MLIP: variants seen among roughly 807,000 people sequenced by gnomAD.
MLIP encodes muscular LMNA-interacting protein.
MLIP carries 79 observed loss-of-function variants against 84.8 expected under a neutral mutation model. That is an observed-to-expected ratio of 0.93 (90% CI 0.78 to 1.12). The LOEUF (loss-of-function observed/expected upper bound fraction) is 1.12. Among genes scored for constraint, MLIP ranks in the 50% most tolerant of loss-of-function variants. The pLI is 0.00. For synonymous variants in MLIP, 504 were observed against 463.0 expected, an observed-to-expected ratio of 1.09 and a Z score of -1.14; for missense variants, 1,257 against 1,160.6, an observed-to-expected ratio of 1.08 and a Z score of -1.21.
Position 54,187,661 on chromosome 6 carries a change from A to G in MLIP, c.2545-2209A>G, listed in dbSNP as rs182429333. Among the ~76,000 whole-genome samples the G allele has an allele frequency of 3.3e-5, 5 of 152,322 alleles. No individual in the cohort carries two copies. In the East Asian group the frequency reaches 9.6e-4, roughly 29 times the overall value. ...ATACAGTATAAAGTGACAAAAATAT[A>G]AAAACGAGTTTGAGATAAATGGGAG... On this transcript the variant is annotated intron_variant, in intron 9 of 13. Transcript: ENST00000502396.
At chr6:54,105,363 G>T (rs952353131) in intron 1 of MLIP, among the ~76,000 whole-genome samples, 2 of 152,254 alleles carry the variant, frequency 1.3e-5, no homozygotes, top group South Asian at 4.1e-4. Flanking sequence ...ACATTAGGTT[G>T]ATTCCATTTT....
intron 9 of MLIP, among the ~76,000 whole-genome samples, chr6:54,179,418 G>C (rs1776627480): frequency 6.6e-6 from 1 of 151,864 alleles, no homozygotes; most frequent in Admixed American, 6.6e-5. Context: ...TGATAAGTAG[G>C]GACTTACCCC....
chr6:54,217,752 A>G (rs1438212350), intron 11 of MLIP: 19 of 985,182 alleles, frequency 1.9e-5, no homozygotes, highest in South Asian at 4.7e-5. Context: ...AGAAATAACT[A>G]TGTTACCTAT....
chr6:54,224,243 A>G (rs1474800017), intron 11 of MLIP, among the ~76,000 whole-genome samples: 1 of 152,054 alleles, frequency 6.6e-6, no homozygotes, highest in Non-Finnish European at 1.5e-5. Context: ...TATAAAATAC[A>G]AAATGAGAAA....
chr6:54,088,802 C>T (rs1767665960), intron 1 of MLIP, among the ~76,000 whole-genome samples: 1 of 152,040 alleles, frequency 6.6e-6, no homozygotes, highest in Non-Finnish European at 1.5e-5. Context: ...GTGCATGTGT[C>T]ACATTATACA....
intron 10 of MLIP, among the ~76,000 whole-genome samples, chr6:54,198,021 C>A (rs1778418882): frequency 6.6e-6 from 1 of 152,062 alleles, no homozygotes; most frequent in South Asian, 2.1e-4. Context: ...AAAGCCTCTC[C>A]TTCAGTCTGG....
At chr6:54,060,561 G>A (rs538847890) in intron 1 of MLIP, among the ~76,000 whole-genome samples, 1 of 152,136 alleles carries the variant, frequency 6.6e-6, no homozygotes, top group Non-Finnish European at 1.5e-5. Flanking sequence ...GCATTCTGAC[G>A]TGAACCACAC....
intron 4 of MLIP, among the ~76,000 whole-genome samples, chr6:54,145,918 C>T (rs1195970783): frequency 6.6e-6 from 1 of 152,002 alleles, no homozygotes; most frequent in African/African-American, 2.4e-5. Context: ...GGCAGGAGTT[C>T]CTAGTCCTTA....
chr6:54,169,574 T>A lies in MLIP; in HGVS notation c.2544+2T>A, dbSNP rs1290182775. On this transcript the variant is annotated splice_donor_variant, in intron 9 of 13. Coordinates refer to ENST00000502396, the MANE Select transcript of MLIP (RefSeq NM_001281747.2). LOFTEE classifies it high-confidence loss of function. ...GCAGCTGGTCGAGAAACCAAATATG[T>A]AAGTACCTTTATAATTATACACACT... The A allele has an allele frequency of 1.3e-6, 2 of 1,584,252 alleles. No homozygotes were observed. The highest frequency in any genetic ancestry group is 8.6e-7 in the Non-Finnish European group (1 of 1,163,366).
intron 1 of MLIP, among the ~76,000 whole-genome samples, chr6:54,096,718 C>T (rs754824619): frequency 6.6e-6 from 1 of 152,212 alleles, no homozygotes; most frequent in Non-Finnish European, 1.5e-5. Flanking sequence ...ACCAGCTGCT[C>T]TCTCATAAAT....
intron 1 of MLIP, among the ~76,000 whole-genome samples, chr6:54,118,072 A>C (rs1420648067): frequency 1.3e-5 from 2 of 152,244 alleles, no homozygotes; most frequent in African/African-American, 4.8e-5. Flanking sequence ...TGGAAGAATA[A>C]GTGTTGTTAA....
chr6:54,024,638 C>G (rs1365168285), intron 1 of MLIP, among the ~76,000 whole-genome samples: 1 of 152,128 alleles, frequency 6.6e-6, no homozygotes, highest in Non-Finnish European at 1.5e-5. Context: ...AATTATTACG[C>G]TTTGATTATT....
intron 1 of MLIP, among the ~76,000 whole-genome samples, chr6:54,051,567 C>A (rs1582036060): frequency 6.6e-6 from 1 of 152,030 alleles, no homozygotes; most frequent in African/African-American, 2.4e-5. Flanking sequence ...CCCTCCCAGA[C>A]CTTAATTAAT....
At chr6:54,141,639 CT>C (rs11327719) in intron 4 of MLIP, among the ~76,000 whole-genome samples, 2,886 of 151,964 alleles carry the variant, frequency 0.019, 94 homozygotes, top group African/African-American at 0.064. Flanking sequence ...TTGTCTGAGA[CT>C]TTTTTTTCCC....
chr6:54,036,981 G>A (rs572196950), intron 1 of MLIP, among the ~76,000 whole-genome samples: 1 of 152,124 alleles, frequency 6.6e-6, no homozygotes, highest in African/African-American at 2.4e-5. Context: ...GTGGACAATG[G>A]CAGGACTTAA....
At chr6:54,033,193 T>C (rs1397278799) in intron 1 of MLIP, among the ~76,000 whole-genome samples, 1 of 152,028 alleles carries the variant, frequency 6.6e-6, no homozygotes, top group African/African-American at 2.4e-5. Flanking sequence ...AAGAAATAGG[T>C]AAAGTACTTT....
chr6:54,084,487 T>C (rs1327689685), intron 1 of MLIP, among the ~76,000 whole-genome samples: 3 of 152,138 alleles, frequency 2.0e-5, no homozygotes, highest in African/African-American at 7.2e-5. Context: ...GTCAGTGAAA[T>C]AAGACAGGGA....
chr6:54,191,042 G>A (rs1270003313), intron 10 of MLIP, among the ~76,000 whole-genome samples: 3 of 151,842 alleles, frequency 2.0e-5, no homozygotes, highest in African/African-American at 7.3e-5. Flanking sequence ...TGATCCACCC[G>A]CCTCGACCTC....
At chr6:54,255,986 G>A (rs997677682) in intron 12 of MLIP, among the ~76,000 whole-genome samples, 1 of 152,088 alleles carries the variant, frequency 6.6e-6, no homozygotes, top group Non-Finnish European at 1.5e-5. Context: ...GCCATACTTA[G>A]GATCTCAGGA....
Sources: allele counts gnomAD v4.1 joint callset (sites outside exome capture counted in the v4.1 genomes callset), GRCh38; gene constraint gnomAD v4.1.1; transcripts MANE v1.5; gene names NCBI Gene and HGNC (gene_info 2026-07-23, HGNC 2026-07-21).